The following AHCYL2 variants were observed in gnomAD, a reference collection of about 807,000 sequenced individuals.
AHCYL2 encodes the protein S-adenosylhomocysteine hydrolase-like protein 2.
In AHCYL2, 28 loss-of-function variants were observed where a neutral mutation model predicts 81.4. The observed-to-expected ratio is 0.34, with a 90% CI of 0.25 to 0.47. The LOEUF (loss-of-function observed/expected upper bound fraction) is 0.47. AHCYL2 is among the 20% of genes least tolerant of loss of function. AHCYL2 has a pLI of 1.00. For synonymous variants in AHCYL2, 272 were observed against 290.2 expected (o/e 0.94, Z 0.64); for missense variants, 551 against 785.1 (o/e 0.70, Z 3.56).
chr7:129,428,988 A>G lies in AHCYL2; in HGVS notation c.*1943A>G, dbSNP rs1272404216. On this transcript the variant is annotated 3_prime_UTR_variant, in exon 17 of 17. Coordinates refer to ENST00000325006, the MANE Select transcript of AHCYL2 (RefSeq NM_015328.4). Reference sequence around the variant, plus strand: ...GATTCAGATCTTTGTACCTTATCTTATATCCAGAGCAGATTCCATTTGGCA... The same window carrying G: ...GATTCAGATCTTTGTACCTTATCTTGTATCCAGAGCAGATTCCATTTGGCA... 4 of 152,198 alleles carry G rather than the reference A, an allele frequency of 2.6e-5. No individual in the cohort carries two copies. The highest frequency in any genetic ancestry group is 6.5e-5 in the Admixed American group (1 of 15,278). 9.4% of individuals were successfully genotyped at this position (152,198 alleles called of 1,614,324 possible).
intron 1 of AHCYL2, among the ~76,000 whole-genome samples, chr7:129,287,112 A>G (rs532019644): frequency 6.6e-6 from 1 of 152,294 alleles, no homozygotes; most frequent in East Asian, 1.9e-4. Flanking sequence ...AAACTGTTGG[A>G]TTCTCGTATC....
intron 1 of AHCYL2, among the ~76,000 whole-genome samples, chr7:129,290,026 C>T (rs1487185993): frequency 1.3e-5 from 2 of 152,012 alleles, no homozygotes; most frequent in Non-Finnish European, 2.9e-5. Context: ...AGGTGATCCT[C>T]CCGCCTCGGC....
At chr7:129,410,013 A>G (rs1796491130) in intron 11 of AHCYL2, 1 of 712,690 alleles carries the variant, frequency 1.4e-6, no homozygotes, top group Non-Finnish European at 2.3e-6. Flanking sequence ...CAGGAGGTAC[A>G]TTCTGCTTGA....
At chr7:129,262,813 A>G (rs1795688895) in intron 1 of AHCYL2, among the ~76,000 whole-genome samples, 1 of 152,082 alleles carries the variant, frequency 6.6e-6, no homozygotes, top group Non-Finnish European at 1.5e-5. Flanking sequence ...TTAGAATTTT[A>G]TTTCTCAGGA....
intron 1 of AHCYL2, among the ~76,000 whole-genome samples, chr7:129,246,219 C>T (rs1795051089): frequency 6.6e-6 from 1 of 152,164 alleles, no homozygotes. Context: ...CCACCACGCC[C>T]ATCTAATTTT....
At chr7:129,292,770 A>C (rs1796912829) in intron 1 of AHCYL2, among the ~76,000 whole-genome samples, 1 of 152,110 alleles carries the variant, frequency 6.6e-6, no homozygotes, top group Admixed American at 6.5e-5. Context: ...CTGTCTTAAA[A>C]AAAAAAACAA....
intron 5 of AHCYL2, among the ~76,000 whole-genome samples, chr7:129,397,869 C>T (rs548599496): frequency 6.6e-6 from 1 of 152,312 alleles, no homozygotes; most frequent in African/African-American, 2.4e-5. Context: ...GCACTCTCAG[C>T]ATTTCATTTG....
intron 1 of AHCYL2, among the ~76,000 whole-genome samples, chr7:129,257,354 A>G (rs1453336882): frequency 6.6e-6 from 1 of 151,978 alleles, no homozygotes; most frequent in Non-Finnish European, 1.5e-5. Context: ...TGGAAAAGGG[A>G]ACTTGGTGGT....
chr7:129,360,137 C>T (rs189850540), intron 1 of AHCYL2, among the ~76,000 whole-genome samples: 404 of 146,410 alleles, frequency 2.8e-3, no homozygotes, highest in Admixed American at 9.9e-3. Flanking sequence ...TTTTTTGAGA[C>T]GGAGTTTTGC....
intron 1 of AHCYL2, among the ~76,000 whole-genome samples, chr7:129,229,681 A>T (rs1042008437): frequency 6.6e-6 from 1 of 152,204 alleles, no homozygotes; most frequent in Non-Finnish European, 1.5e-5. Flanking sequence ...AGGTCATCCC[A>T]AGACCAAAGT....
chr7:129,246,951 A>G (rs2150697428), intron 1 of AHCYL2, among the ~76,000 whole-genome samples: 1 of 152,294 alleles, frequency 6.6e-6, no homozygotes, highest in South Asian at 2.1e-4. Flanking sequence ...GCTATACCAC[A>G]TTTTATCAGT....
At chr7:129,360,411 C>A (rs943856451) in intron 1 of AHCYL2, among the ~76,000 whole-genome samples, 2 of 152,200 alleles carry the variant, frequency 1.3e-5, no homozygotes, top group African/African-American at 4.8e-5. Context: ...CCACCACGCC[C>A]GGCCACTATT....
chr7:129,349,467 C>T (rs1229261841), intron 1 of AHCYL2, among the ~76,000 whole-genome samples: 2 of 30,702 alleles, frequency 6.5e-5, no homozygotes, highest in East Asian at 6.0e-3. Flanking sequence ...CCCATCTCTA[C>T]CAAAAAAAAA....
chr7:129,291,920 T>G (rs948804635), intron 1 of AHCYL2, among the ~76,000 whole-genome samples: 1 of 152,126 alleles, frequency 6.6e-6, no homozygotes, highest in Non-Finnish European at 1.5e-5. Context: ...TCTGTCATTT[T>G]ATGATGACAA....
At chr7:129,304,458 T>C (rs1375458611) in intron 1 of AHCYL2, among the ~76,000 whole-genome samples, 2 of 152,242 alleles carry the variant, frequency 1.3e-5, no homozygotes, top group Non-Finnish European at 2.9e-5. Context: ...CTGGATGATC[T>C]GTCCGATGCT....
rs1335832591 is a variant in AHCYL2, at chr7:129,368,456, C to T, written c.364-11182C>T. ...ACCCCAGTATTTCCAAACCAGCTTTCCCTTTTGCTTCAGGACATATCTTAC... is the reference window on the plus strand; with the variant it reads ...ACCCCAGTATTTCCAAACCAGCTTTTCCTTTTGCTTCAGGACATATCTTAC... On this transcript the variant is annotated intron_variant, in intron 1 of 16. Coordinates refer to ENST00000325006, the MANE Select transcript of AHCYL2 (RefSeq NM_015328.4). This position sits in a 1 kb window ranked among gnomAD's most constrained non-coding sequence, Gnocchi z 4.4. 2 of 1,613,872 alleles carry T rather than the reference C, an allele frequency of 1.2e-6. No homozygotes were observed. The highest frequency in any genetic ancestry group is 1.7e-6 in the Non-Finnish European group (2 of 1,179,822).
chr7:129,265,952 G>A (rs1204098353), intron 1 of AHCYL2, among the ~76,000 whole-genome samples: 1 of 152,204 alleles, frequency 6.6e-6, no homozygotes, highest in African/African-American at 2.4e-5. Flanking sequence ...TGTATTTGAT[G>A]AGTGTTTGAA....
chr7:129,326,523 C>A lies in AHCYL2; in HGVS notation c.364-53115C>A, dbSNP rs545144756. 5.8e-4 allele frequency among the ~76,000 whole-genome samples: 88 copies of A among 152,090 alleles called. 3 individuals carry two copies. The South Asian group carries it at 0.018, about 31-fold the overall frequency. ...CCTGGGTGAAAGAGTGAGACGCCAA[C>A]TCAAAACAAACAAACAAACAAACAA... is the stretch of plus-strand genomic sequence containing the variant. On this transcript the variant is annotated intron_variant, in intron 1 of 16. Transcript: ENST00000325006.
At chr7:129,290,886 C>T (rs185149340) in intron 1 of AHCYL2, among the ~76,000 whole-genome samples, 19 of 151,250 alleles carry the variant, frequency 1.3e-4, no homozygotes, top group East Asian at 1.2e-3. Context: ...GCCGAGATCA[C>T]GCCACTGCAC....
Sources: allele counts gnomAD v4.1 joint callset (sites outside exome capture counted in the v4.1 genomes callset), GRCh38; gene constraint gnomAD v4.1.1; non-coding constraint Gnocchi (gnomAD v3.1); transcripts MANE v1.5; gene names NCBI Gene and HGNC (gene_info 2026-07-23, HGNC 2026-07-21).